Variants in CDC73 observed in about 807,000 individuals in gnomAD.
CDC73 encodes the protein parafibromin.
A neutral mutation model predicts 83.7 loss-of-function variants in CDC73; 21 were observed. The observed-to-expected ratio is 0.25, with a 90% CI of 0.18 to 0.36. The LOEUF is 0.36. Ranked by LOEUF, CDC73 falls within the 10% of genes least tolerant of loss-of-function variation. The pLI is 1.00. For synonymous variants in CDC73, 224 were observed against 212.9 expected, an observed-to-expected ratio of 1.05 and a Z score of -0.45; for missense variants, 342 against 653.3, an observed-to-expected ratio of 0.52 and a Z score of 5.19.
intron 15 of CDC73, among the ~76,000 whole-genome samples, chr1:193,243,852 G>T (rs748775768): frequency 2.6e-5 from 4 of 151,678 alleles, no homozygotes; most frequent in Non-Finnish European, 5.9e-5. Flanking sequence ...TATTTTTCTG[G>T]GCACAAATTA....
intron 10 of CDC73, chr1:193,181,352 T>C: frequency 6.2e-7 from 1 of 1,614,096 alleles, no homozygotes; most frequent in Non-Finnish European, 8.5e-7. Context: ...GTCTCACTTT[T>C]TGTTGACCGA....
At chr1:193,217,871 T>C (rs1677397688) in intron 13 of CDC73, among the ~76,000 whole-genome samples, 1 of 152,094 alleles carries the variant, frequency 6.6e-6, no homozygotes, top group South Asian at 2.1e-4. Context: ...TGCTCTTGCC[T>C]TCCCAGTACT....
At chr1:193,141,002 T>C (rs1319400672) in intron 6 of CDC73, 1 of 152,236 alleles carries the variant, frequency 6.6e-6, no homozygotes, top group African/African-American at 2.4e-5. Context: ...TCATACCTAA[T>C]CTGAATAAAA....
At chr1:193,141,704 A>G in intron 6 of CDC73, 146 bp from the exon 7 acceptor site, 1 of 626,762 alleles carries the variant, frequency 1.6e-6, no homozygotes, top group South Asian at 1.9e-5. Flanking sequence ...ATAATTGCAG[A>G]ATAGCAAGTC....
At chr1:193,233,475 G>C (rs926103006) in intron 14 of CDC73, among the ~76,000 whole-genome samples, 5 of 152,218 alleles carry the variant, frequency 3.3e-5, no homozygotes, top group African/African-American at 1.2e-4. Context: ...TTTGAAAAGT[G>C]TGTTGATGTA....
At chr1:193,123,375 C>G (rs1675501162) in intron 1 of CDC73, among the ~76,000 whole-genome samples, 1 of 152,060 alleles carries the variant, frequency 6.6e-6, no homozygotes, top group East Asian at 1.9e-4. Context: ...TTGCAGGCCC[C>G]CGCCACCATG....
intron 12 of CDC73, 35 bp downstream of exon 12, chr1:193,212,135 A>G: frequency 6.6e-7 from 1 of 1,513,772 alleles, no homozygotes; most frequent in Non-Finnish European, 9.0e-7. Flanking sequence ...ACTTAACTTT[A>G]AAAAGTAAAT....
intron 13 of CDC73, among the ~76,000 whole-genome samples, chr1:193,216,376 C>T (rs986059782): frequency 1.1e-4 from 16 of 152,132 alleles, no homozygotes; most frequent in Admixed American, 5.9e-4. Context: ...TATAATCTCT[C>T]AAGATTGATT....
intron 15 of CDC73, among the ~76,000 whole-genome samples, chr1:193,245,449 A>G (rs182052190): frequency 2.0e-5 from 3 of 151,144 alleles, no homozygotes; most frequent in Admixed American, 6.6e-5. Flanking sequence ...CACAAATGAC[A>G]GGATTTCATT....
intron 10 of CDC73, among the ~76,000 whole-genome samples, chr1:193,157,607 G>A (rs563090468): frequency 7.5e-4 from 114 of 152,304 alleles, no homozygotes; most frequent in African/African-American, 2.4e-3. Flanking sequence ...ACCTCCTTTA[G>A]ATAAGAGGTT....
intron 5 of CDC73, among the ~76,000 whole-genome samples, chr1:193,136,181 G>T (rs1319637355): frequency 1.3e-5 from 2 of 152,144 alleles, no homozygotes; most frequent in Non-Finnish European, 2.9e-5. Context: ...TAATATTGTA[G>T]TGTGAAAGCA....
intron 10 of CDC73, among the ~76,000 whole-genome samples, chr1:193,176,966 G>T (rs1360073030): frequency 6.6e-6 from 1 of 152,114 alleles, no homozygotes; most frequent in Non-Finnish European, 1.5e-5. Context: ...TTTTGCAATG[G>T]TTCTTGTCAC....
intron 13 of CDC73, among the ~76,000 whole-genome samples, chr1:193,218,121 G>A (rs1370915329): frequency 6.6e-6 from 1 of 152,042 alleles, no homozygotes; most frequent in Non-Finnish European, 1.5e-5. Flanking sequence ...TCCAAGCTGA[G>A]AACCAACTCA....
intron 13 of CDC73, among the ~76,000 whole-genome samples, chr1:193,218,629 T>C (rs1677411064): frequency 6.6e-6 from 1 of 152,200 alleles, no homozygotes; most frequent in Non-Finnish European, 1.5e-5. Context: ...AACCATCTGC[T>C]TTTTGACAAA....
At chr1:193,145,436 C>T (rs1461511521) in intron 7 of CDC73, among the ~76,000 whole-genome samples, 1 of 152,112 alleles carries the variant, frequency 6.6e-6, no homozygotes, top group Non-Finnish European at 1.5e-5. Flanking sequence ...AATGTAGAAG[C>T]TGATCTGAGA....
Position 193,236,365 on chromosome 1 carries a change from C to T in CDC73, c.1417+9C>T, listed in dbSNP as rs769784756. ...TGATATATTTGCTAAAAGTAAGATT[C>T]TCTTTGTATTTACTGTATCCAGTAT... On this transcript the variant is annotated intron_variant, in intron 15 of 16. Transcript: ENST00000367435. 1.9e-5 allele frequency: 28 copies of T among 1,511,876 alleles called. No individual in the cohort carries two copies. The highest frequency in any genetic ancestry group is 2.6e-5 in the Non-Finnish European group (28 of 1,086,892). 93.7% of individuals were successfully genotyped at this position (1,511,876 alleles called of 1,614,324 possible).
intron 10 of CDC73, among the ~76,000 whole-genome samples, chr1:193,189,373 A>G (rs2103166954): frequency 6.6e-6 from 1 of 152,082 alleles, no homozygotes; most frequent in East Asian, 1.9e-4. Context: ...ACATGTTTCC[A>G]GTCAAGAGAA....
intron 6 of CDC73, among the ~76,000 whole-genome samples, chr1:193,138,603 T>C (rs994236359): frequency 6.6e-6 from 1 of 151,902 alleles, no homozygotes; most frequent in African/African-American, 2.4e-5. Flanking sequence ...GCATAGTTTC[T>C]TCACTTTTTA....
chr1:193,186,098 A>C (rs1676801688), intron 10 of CDC73: 1 of 153,038 alleles, frequency 6.5e-6, no homozygotes, highest in African/African-American at 2.4e-5. Flanking sequence ...TCAGCAAAAA[A>C]GATGCTATCG....
Sources: gnomAD v4.1 joint callset for allele counts (sites outside exome capture counted in the v4.1 genomes callset) on GRCh38, gnomAD v4.1.1 for gene constraint, MANE v1.5 for transcripts, NCBI Gene and HGNC (gene_info 2026-07-23, HGNC 2026-07-21) for gene names.